PRKN: variants seen among roughly 807,000 people sequenced by gnomAD.
PRKN encodes parkin RBR E3 ubiquitin protein ligase.
In PRKN, 56 loss-of-function variants were observed where a neutral mutation model predicts 59.5. That is an observed-to-expected ratio of 0.94 (90% confidence interval 0.76 to 1.18). The LOEUF is 1.18. PRKN is among the 50% of genes most tolerant of loss of function. The pLI, the probability that PRKN is intolerant of heterozygous loss-of-function variation, is 0.00. For synonymous variants in PRKN, 250 were observed against 222.1 expected, an observed-to-expected ratio of 1.13 and a Z score of -1.12; for missense variants, 657 against 596.4, an observed-to-expected ratio of 1.10 and a Z score of -1.06.
intron 9 of PRKN, among the ~76,000 whole-genome samples, chr6:161,387,155 T>C (rs1786290969): frequency 6.6e-6 from 1 of 152,154 alleles, no homozygotes; most frequent in Non-Finnish European, 1.5e-5. Context: ...CACAGTGATA[T>C]GGTTTGGCTG....
At chr6:161,886,340 A>G (rs1159134768) in intron 6 of PRKN, among the ~76,000 whole-genome samples, 4 of 152,218 alleles carry the variant, frequency 2.6e-5, no homozygotes, top group African/African-American at 9.7e-5. Flanking sequence ...CTAAGCATTG[A>G]AAACATGAAA....
rs76143337 is a variant in PRKN at position 161,655,615 on chromosome 6, T to C, written c.872-86199A>G. 6.2e-3 allele frequency among the ~76,000 whole-genome samples: 945 copies of C among 152,316 alleles called. 10 individuals carry two copies. The highest frequency in any genetic ancestry group is 0.021 in the African/African-American group (882 of 41,572). ...AAACCGAGAGAGAAAGGCTTTAAAC[T>C]GTGAACAATGTCCACAATAACGACA... On this transcript the variant is annotated intron_variant, in intron 7 of 11. Coordinates refer to ENST00000366898, the MANE Select transcript of PRKN (RefSeq NM_004562.3).
rs1349591989 is a variant in PRKN at position 162,333,793 on chromosome 6, G to A, written c.172-71028C>T. ...AGCTAGAAATGATAAAGCTCAGTGA[G>A]GAAGGCACGTTGAAAGCCAAGACAG... is the stretch of plus-strand genomic sequence containing the variant. On this transcript the variant is annotated intron_variant, in intron 2 of 11. Transcript: ENST00000366898. 2.0e-5 allele frequency among the ~76,000 whole-genome samples: 3 copies of A among 152,188 alleles called. No homozygotes were observed. The East Asian group carries it at 5.8e-4, about 29-fold the overall frequency.
intron 6 of PRKN, among the ~76,000 whole-genome samples, chr6:161,800,290 AGCTTT>A (rs1791027409): frequency 6.6e-6 from 1 of 152,116 alleles, no homozygotes; most frequent in East Asian, 1.9e-4. Flanking sequence ...TCTCCTACCT[AGCTTT>A]GCTTTCCTAC....
intron 6 of PRKN, among the ~76,000 whole-genome samples, chr6:161,869,358 G>A (rs763832374): frequency 1.3e-5 from 2 of 151,838 alleles, no homozygotes; most frequent in African/African-American, 4.8e-5. Context: ...CAGCCTGAGC[G>A]ACAGAGCAAG....
intron 3 of PRKN, among the ~76,000 whole-genome samples, chr6:162,240,569 A>G (rs1233386529): frequency 1.3e-5 from 2 of 152,148 alleles, no homozygotes; most frequent in Admixed American, 6.5e-5. Flanking sequence ...TAATAAATAT[A>G]GAAATATTAA....
chr6:161,598,706 A>G (rs555435041), intron 7 of PRKN, among the ~76,000 whole-genome samples: 1 of 152,348 alleles, frequency 6.6e-6, no homozygotes, highest in Admixed American at 6.5e-5. Flanking sequence ...GATATTTAAC[A>G]ATATATGTTA....
At chr6:162,709,006 A>G (rs759070439) in intron 1 of PRKN, among the ~76,000 whole-genome samples, 2 of 152,120 alleles carry the variant, frequency 1.3e-5, no homozygotes, top group Non-Finnish European at 2.9e-5. Flanking sequence ...CCGGAGCGTG[A>G]ACCCTATTGT....
intron 1 of PRKN, among the ~76,000 whole-genome samples, chr6:162,588,571 AG>A (rs1211301636): frequency 1.3e-5 from 2 of 151,754 alleles, no homozygotes; most frequent in Non-Finnish European, 2.9e-5. Context: ...TTTTTTTTGG[AG>A]ACGGAGTCTG....
intron 4 of PRKN, among the ~76,000 whole-genome samples, chr6:162,083,111 C>A (rs939226767): frequency 6.6e-6 from 1 of 151,970 alleles, no homozygotes. Flanking sequence ...CCTGCCAACA[C>A]GCCCACCCAG....
At chr6:161,404,580 G>A (rs1787181681) in intron 9 of PRKN, among the ~76,000 whole-genome samples, 1 of 152,186 alleles carries the variant, frequency 6.6e-6, no homozygotes, top group Non-Finnish European at 1.5e-5. Context: ...ATTTAGTTAA[G>A]ATTCAAAATT....
chr6:161,973,136 G>A (rs547158019), intron 6 of PRKN, among the ~76,000 whole-genome samples, 166 bp downstream of exon 6: 1 of 152,142 alleles, frequency 6.6e-6, no homozygotes, highest in Admixed American at 6.5e-5. Context: ...ACCCAAATTG[G>A]GCAGACGCAT....
chr6:162,541,145 T>G (rs1456715361), intron 1 of PRKN, among the ~76,000 whole-genome samples: 1 of 152,204 alleles, frequency 6.6e-6, no homozygotes, highest in Non-Finnish European at 1.5e-5. Context: ...GAGGTTGTTC[T>G]GGGCTCAGGC....
intron 2 of PRKN, among the ~76,000 whole-genome samples, chr6:162,387,656 G>A (rs549929242): frequency 6.6e-6 from 1 of 151,716 alleles, no homozygotes; most frequent in Admixed American, 6.6e-5. Context: ...TAGCCAAGGT[G>A]TGTACCTCAA....
At chr6:161,901,400 T>C (rs1039717213) in intron 6 of PRKN, among the ~76,000 whole-genome samples, 5 of 152,162 alleles carry the variant, frequency 3.3e-5, no homozygotes, top group African/African-American at 1.2e-4. Flanking sequence ...GGGCAGAGGA[T>C]GGGCAGGCCA....
intron 9 of PRKN, among the ~76,000 whole-genome samples, chr6:161,421,336 G>A (rs1788098099): frequency 1.3e-5 from 2 of 152,192 alleles, no homozygotes; most frequent in Non-Finnish European, 2.9e-5. Flanking sequence ...CAATTAATGA[G>A]TAGATATAGA....
chr6:161,570,675 T>C (rs1456242790), intron 7 of PRKN, among the ~76,000 whole-genome samples: 1 of 152,196 alleles, frequency 6.6e-6, no homozygotes, highest in Non-Finnish European at 1.5e-5. Flanking sequence ...ACATATGACC[T>C]ATAAAATATG....
At chr6:161,935,140 T>A (rs6909226) in intron 6 of PRKN, among the ~76,000 whole-genome samples, 5 of 151,840 alleles carry the variant, frequency 3.3e-5, no homozygotes, top group African/African-American at 1.2e-4. Context: ...ACTTCAAAAG[T>A]TCACAGAAAA....
intron 5 of PRKN, among the ~76,000 whole-genome samples, chr6:161,996,765 C>T (rs1781861042): frequency 6.6e-6 from 1 of 152,162 alleles, no homozygotes; most frequent in Admixed American, 6.6e-5. Flanking sequence ...TGAAAAACAG[C>T]CTACCCCCAA....
Sources: gnomAD v4.1 joint callset for allele counts (sites outside exome capture counted in the v4.1 genomes callset) on GRCh38, gnomAD v4.1.1 for gene constraint, MANE v1.5 for transcripts, NCBI Gene and HGNC (gene_info 2026-07-23, HGNC 2026-07-21) for gene names.